RMDN2: variants seen among roughly 807,000 people sequenced by gnomAD.
The protein encoded by RMDN2 is regulator of microtubule dynamics 2.
A neutral mutation model predicts 52.8 loss-of-function variants in RMDN2; 61 were observed. The observed-to-expected ratio is 1.16, with a 90% CI of 0.94 to 1.43. RMDN2 has a LOEUF of 1.43. Ranked by LOEUF, RMDN2 falls within the 40% of genes most tolerant of loss-of-function variation. The pLI, the probability that RMDN2 is intolerant of heterozygous loss-of-function variation, is 0.00. For synonymous variants in RMDN2, 180 were observed against 153.1 expected, an observed-to-expected ratio of 1.18 and a Z score of -1.30; for missense variants, 592 against 475.3, an observed-to-expected ratio of 1.25 and a Z score of -2.28.
At chr2:37,937,230 T>C (rs1667374177) in intron 2 of RMDN2, among the ~76,000 whole-genome samples, 1 of 152,196 alleles carries the variant, frequency 6.6e-6, no homozygotes, top group Admixed American at 6.5e-5. Flanking sequence ...GTGGTGTTAT[T>C]TCTGAAGCCT....
chr2:38,051,018 G>T (rs1363192457), intron 10 of RMDN2, among the ~76,000 whole-genome samples: 1 of 152,132 alleles, frequency 6.6e-6, no homozygotes, highest in Admixed American at 6.6e-5. Context: ...CCATCTCAGA[G>T]TTGTGAAGAA....
chr2:38,051,143 T>C (rs1681571484), intron 10 of RMDN2, among the ~76,000 whole-genome samples: 1 of 152,226 alleles, frequency 6.6e-6, no homozygotes, highest in Non-Finnish European at 1.5e-5. Flanking sequence ...CTTGAGGGCA[T>C]GAAACCTCAA....
At chr2:38,056,305 C>T (rs1036169740) in intron 10 of RMDN2, among the ~76,000 whole-genome samples, 7 of 152,174 alleles carry the variant, frequency 4.6e-5, no homozygotes, top group African/African-American at 1.7e-4. Context: ...TCCTAACCCT[C>T]ATGTCCACAC....
chr2:37,992,575 G>A (rs1674950111), intron 7 of RMDN2, among the ~76,000 whole-genome samples: 2 of 152,114 alleles, frequency 1.3e-5, no homozygotes, highest in African/African-American at 4.8e-5. Context: ...TCTCTTCAAG[G>A]AAAGAATGCA....
At chr2:38,059,984 G>A (rs919562775) in intron 10 of RMDN2, among the ~76,000 whole-genome samples, 1 of 151,980 alleles carries the variant, frequency 6.6e-6, no homozygotes, top group African/African-American at 2.4e-5. Context: ...TGCAACCTCC[G>A]CCTCTCAGGT....
chr2:37,950,983 G>A (rs908652983), intron 2 of RMDN2, among the ~76,000 whole-genome samples: 5 of 151,932 alleles, frequency 3.3e-5, no homozygotes, highest in Non-Finnish European at 7.4e-5. Flanking sequence ...TCTTCCCAAG[G>A]TTTAATAGAG....
Position 38,004,196 on chromosome 2 carries a change from C to T in RMDN2, c.1159C>T (p.Leu387Phe). Reference sequence around the variant, plus strand: ...GAAGTTCTGTAATTTGGCTTTATTGCTTCCTACTGTTACCAAAGAGGTAAG... The same window carrying T: ...GAAGTTCTGTAATTTGGCTTTATTGTTTCCTACTGTTACCAAAGAGGTAAG... Reference protein sequence around the residue: ...ALKFCNLALLLPTVTKEDKEA... With the variant: ...ALKFCNLALLFPTVTKEDKEA... The change falls in exon 10 of 11, where the codon CTT becomes TTT. Residue 387 changes from leucine to phenylalanine, a missense_variant. Transcript: ENST00000354545. The T allele has an allele frequency of 6.2e-7, 1 of 1,613,490 alleles. No individual in the cohort carries two copies. The highest frequency in any genetic ancestry group is 8.5e-7 in the Non-Finnish European group (1 of 1,179,552).
At chr2:37,995,958 G>A (rs778871727) in intron 7 of RMDN2, among the ~76,000 whole-genome samples, 2 of 152,206 alleles carry the variant, frequency 1.3e-5, no homozygotes, top group Non-Finnish European at 2.9e-5. Context: ...TTAGATTGCT[G>A]TGGAAACATA....
At chr2:38,045,551 C>T (rs73926996) in intron 10 of RMDN2, among the ~76,000 whole-genome samples, 10,637 of 152,134 alleles carry the variant, frequency 0.07, 407 homozygotes, top group Middle Eastern at 0.11. Context: ...TCTTCCCAAC[C>T]ACCCTCCACC....
intron 10 of RMDN2, chr2:38,033,279 C>T (rs535590284): frequency 6.6e-6 from 1 of 152,192 alleles, no homozygotes; most frequent in Non-Finnish European, 1.5e-5. Context: ...TTAACACTGG[C>T]AGTACACAAA....
chr2:38,066,412 C>G (rs560086249), intron 10 of RMDN2, among the ~76,000 whole-genome samples: 8 of 152,344 alleles, frequency 5.3e-5, no homozygotes, highest in Middle Eastern at 3.4e-3. Context: ...AAAAAAATTG[C>G]TTTTAAATGT....
intron 8 of RMDN2, among the ~76,000 whole-genome samples, 183 bp from the exon 9 acceptor site, chr2:38,003,808 G>A (rs1042671783): frequency 6.6e-6 from 1 of 152,164 alleles, no homozygotes; most frequent in Non-Finnish European, 1.5e-5. Context: ...AAATGCAAAG[G>A]CTATGTTTCC....
At chr2:38,000,484 T>G (rs1381499309) in intron 8 of RMDN2, among the ~76,000 whole-genome samples, 1 of 152,242 alleles carries the variant, frequency 6.6e-6, no homozygotes, top group Non-Finnish European at 1.5e-5. Context: ...GAGTTTTCTT[T>G]GCCTCTTTGC....
chr2:37,973,998 C>G, intron 2 of RMDN2, 42 bp from the exon 3 acceptor site: 2 of 1,491,932 alleles, frequency 1.3e-6, no homozygotes, highest in Non-Finnish European at 1.8e-6. Flanking sequence ...GGCTATTATA[C>G]TTAACTTTCA....
downstream of RMDN2, among the ~76,000 whole-genome samples, chr2:38,020,498 C>T (rs1314088616): frequency 6.6e-6 from 1 of 152,206 alleles, no homozygotes; most frequent in East Asian, 1.9e-4. Context: ...CCTCAGCCTG[C>T]GGGGAGGTGT....
chr2:37,985,747 T>A (rs760680582), intron 5 of RMDN2, among the ~76,000 whole-genome samples: 2 of 151,892 alleles, frequency 1.3e-5, no homozygotes, highest in African/African-American at 4.8e-5. Flanking sequence ...TTTAACATGT[T>A]GAAAAAGATA....
At position 38,067,072 on chromosome 2, in the gene RMDN2, T is replaced by G. The variant is rs1044683418; in HGVS notation, c.*82T>G. On this transcript the variant is annotated 3_prime_UTR_variant, in exon 11 of 11. Coordinates refer to the RMDN2 transcript ENST00000234195. ...AGTGAAGGCCTGGAGAGTCATGACC[T>G]AGGCCCTGTGAAGTCAAGTATTTTT... 2.9e-6 allele frequency: 4 copies of G among 1,361,128 alleles called. No individual in the cohort carries two copies. The Admixed American group carries it at 7.0e-5, about 24-fold the overall frequency. 84.3% of individuals were successfully genotyped at this position (1,361,128 alleles called of 1,614,324 possible).
intron 5 of RMDN2, among the ~76,000 whole-genome samples, chr2:37,985,911 ATT>A (rs1479110657): frequency 6.6e-6 from 1 of 152,182 alleles, no homozygotes; most frequent in African/African-American, 2.4e-5. Context: ...CATTGTGACA[ATT>A]TTGTATCAAT....
At chr2:38,059,166 C>T (rs1681949031) in intron 10 of RMDN2, among the ~76,000 whole-genome samples, 2 of 152,194 alleles carry the variant, frequency 1.3e-5, no homozygotes. Flanking sequence ...GGCTTCCAAG[C>T]ACCTGAAATA....
Sources: allele counts gnomAD v4.1 joint callset (sites outside exome capture counted in the v4.1 genomes callset), GRCh38; gene constraint gnomAD v4.1.1; transcripts MANE v1.5; gene names NCBI Gene and HGNC (gene_info 2026-07-23, HGNC 2026-07-21).